Variants in MYO1H observed in about 807,000 individuals in gnomAD.
MYO1H encodes the protein myosin IH.
A neutral mutation model predicts 149.3 loss-of-function variants in MYO1H; 118 were observed. The observed-to-expected ratio is 0.79, with a 90% CI of 0.68 to 0.92. The LOEUF (loss-of-function observed/expected upper bound fraction) is 0.92, where lower values mean the gene tolerates loss of function less well. Among genes scored for constraint, MYO1H ranks in the 40% least tolerant of loss-of-function variants. MYO1H has a pLI of 0.00. For missense variants in MYO1H, 1,212 were observed against 1,280.7 expected (o/e 0.95, Z 0.82); for synonymous variants, 447 against 465.2 (o/e 0.96, Z 0.50).
At chr12:109,436,652 A>G (rs1314071432) in intron 22 of MYO1H, 96 bp downstream of exon 22, 3 of 812,308 alleles carry the variant, frequency 3.7e-6, no homozygotes, top group Non-Finnish European at 6.1e-6. Flanking sequence ...GCTCATCCTT[A>G]AAACCTTGTG....
chr12:109,383,701 T>C (rs1357244011), intron 1 of MYO1H, among the ~76,000 whole-genome samples: 1 of 152,168 alleles, frequency 6.6e-6, no homozygotes, highest in African/African-American at 2.4e-5. Flanking sequence ...CCGGAAGTAG[T>C]CAAGCAACTC....
the MYO1H span, among the ~76,000 whole-genome samples, chr12:109,325,863 A>G: frequency 6.6e-6 from 1 of 152,226 alleles, no homozygotes; most frequent in African/African-American, 2.4e-5. Context: ...TCAAAACCAC[A>G]ATGAGATACC....
At chr12:109,333,669 A>C in the MYO1H span, among the ~76,000 whole-genome samples, 1 of 152,158 alleles carries the variant, frequency 6.6e-6, no homozygotes, top group African/African-American at 2.4e-5. Context: ...CCTTCAACTT[A>C]GGATCGTCTG....
rs867327275 is a variant in MYO1H, at chr12:109,443,096, A to G, written c.2689-418A>G. Among the ~76,000 whole-genome samples, 3 of 79,866 alleles carry G rather than the reference A, an allele frequency of 3.8e-5. 1 individual carries two copies. The highest frequency in any genetic ancestry group is 9.6e-5 in the African/African-American group (2 of 20,826). The allele number at this position is 79,866 out of a possible 152,430, so 52.4% of individuals were successfully genotyped here. A position where few individuals can be genotyped will look rare whatever the true frequency, so the allele number is the denominator to read the frequency against. On this transcript the variant is annotated intron_variant, in intron 27 of 31. Transcript: ENST00000310903. The stretch of plus-strand genomic sequence containing the variant: ...TATATGTGTACGTATGTGTGTATAT[A>G]TGTGTACGTATATGTGTGTATATGT...
the MYO1H span, among the ~76,000 whole-genome samples, chr12:109,340,398 A>G: frequency 1.3e-5 from 2 of 152,242 alleles, no homozygotes; most frequent in African/African-American, 2.4e-5. Context: ...CGAACTCCTG[A>G]CCTTAGGTGA....
intron 20 of MYO1H, among the ~76,000 whole-genome samples, chr12:109,433,741 A>C (rs985155197): frequency 4.0e-5 from 6 of 149,784 alleles, no homozygotes; most frequent in African/African-American, 1.5e-4. Context: ...GCCTGTTCCA[A>C]GGATCAGTTA....
the MYO1H span, among the ~76,000 whole-genome samples, chr12:109,337,858 A>G: frequency 1.3e-5 from 2 of 152,144 alleles, no homozygotes; most frequent in Non-Finnish European, 2.9e-5. Context: ...AACCTAGCTG[A>G]TCAAACCGTG....
rs34386334 is a variant in MYO1H at position 109,443,174 on chromosome 12, A to ATG, written c.2689-334_2689-333dup. 3.7e-4 allele frequency among the ~76,000 whole-genome samples: 43 copies of ATG among 115,612 alleles called. 4 individuals carry two copies. Among genetic ancestry groups the ATG allele is most frequent in the Middle Eastern group, 8.1e-3 (2 of 248 alleles). The allele number at this position is 115,612 out of a possible 152,430, so 75.8% of individuals were successfully genotyped here. A position where few individuals can be genotyped will look rare whatever the true frequency, so the allele number is the denominator to read the frequency against. ...CGTATGTGTGTGTATATGTGTACGT[A>ATG]TGTGTGTATATGTGTACGTATATGT... On this transcript the variant is annotated intron_variant, in intron 27 of 31. Coordinates refer to ENST00000310903, the Ensembl canonical transcript of MYO1H.
chr12:109,421,003 T>C (rs1156501821), exon 16 of MYO1H: 1 of 1,589,354 alleles, frequency 6.3e-7, no homozygotes, highest in Non-Finnish European at 8.6e-7. Flanking sequence ...AAAACAATGA[T>C]CTTCTTTACA....
intron 23 of MYO1H, 133 bp from the exon 24 acceptor site, chr12:109,439,498 T>TGGCCTGTGGCCTACATACCA: frequency 1.5e-6 from 1 of 676,082 alleles, no homozygotes. Flanking sequence ...GGGGCAGATT[T>TGGCCTGTGGCCTACATACCA]GGCCTCTGGC....
rs55927192 is a variant in MYO1H, at chr12:109,353,393, C to CAAAAAAAAAAAAAAAAAA, written c.12+5430_12+5447dup. 6.4e-4 allele frequency among the ~76,000 whole-genome samples: 51 copies of CAAAAAAAAAAAAAAAAAA among 79,288 alleles called. 1 individual carries two copies. Among genetic ancestry groups the CAAAAAAAAAAAAAAAAAA allele is most frequent in the Middle Eastern group, 8.8e-3 (1 of 114 alleles). 52.0% of individuals were successfully genotyped at this position (79,288 alleles called of 152,430 possible). A position where few individuals can be genotyped will look rare whatever the true frequency, so the allele number is the denominator to read the frequency against. On this transcript the variant is annotated intron_variant, in intron 1 of 31. Transcript: ENST00000310903. The stretch of plus-strand genomic sequence containing the variant: ...TGGGTGACAGAGCGAGACTCCGTCT[C>CAAAAAAAAAAAAAAAAAA]AAAAAAAAAAAAAAAAAAAAAAAAA...
At chr12:109,396,250 G>C in intron 3 of MYO1H, 134 bp from the exon 4 acceptor site, 1 of 681,628 alleles carries the variant, frequency 1.5e-6, no homozygotes, top group Non-Finnish European at 2.5e-6. Context: ...ATGTGTTTGA[G>C]CTCATTGTCC....
chr12:109,429,635 C>T (rs1218757514), intron 19 of MYO1H, among the ~76,000 whole-genome samples: 1 of 152,064 alleles, frequency 6.6e-6, no homozygotes, highest in Non-Finnish European at 1.5e-5. Context: ...CCATGGGGGT[C>T]CTGGAACCAA....
chr12:109,337,183 A>AT, the MYO1H span, among the ~76,000 whole-genome samples: 3 of 152,142 alleles, frequency 2.0e-5, no homozygotes, highest in African/African-American at 7.2e-5. Context: ...ACCTGAAAGC[A>AT]TTTTTTCCTG....
In MYO1H at chr12:109,444,419, C is replaced by A; in HGVS notation, c.2896-13C>A. The A allele has an allele frequency of 6.2e-7, 1 of 1,610,668 alleles. No individual in the cohort carries two copies. Among genetic ancestry groups the A allele is most frequent in the Non-Finnish European group, 8.5e-7 (1 of 1,177,008 alleles). The stretch of plus-strand genomic sequence containing the variant: ...GAATACTGAAATTATGCCTTGTCTC[C>A]TCCCCACCCCAGGGGGATGCCGTTT... On this transcript the variant is annotated splice_polypyrimidine_tract_variant and intron_variant, in intron 29 of 31. Transcript: ENST00000310903.
intron 30 of MYO1H, 116 bp from the exon 31 acceptor site, chr12:109,445,397 A>G (rs770904985): frequency 2.5e-6 from 2 of 795,594 alleles, no homozygotes; most frequent in Non-Finnish European, 4.0e-6. Flanking sequence ...ACTGTAATAA[A>G]ACAGGAATTT....
rs1411688729 is a variant in MYO1H at position 109,361,797 on chromosome 12, G to A, written c.12+13825G>A. On this transcript the variant is annotated intron_variant, in intron 1 of 31. Transcript: ENST00000310903. ...GCACTCCAGCAGCCTGGGTGACAGA[G>A]CAAGACCTTGTCTCACAAAAAAAAA... 3.5e-5 allele frequency among the ~76,000 whole-genome samples: 4 copies of A among 114,092 alleles called. No individual in the cohort carries two copies. The South Asian group carries it at 9.0e-4, about 26-fold the overall frequency. 74.8% of individuals were successfully genotyped at this position (114,092 alleles called of 152,430 possible). A position where few individuals can be genotyped will look rare whatever the true frequency, so the allele number is the denominator to read the frequency against.
intron 1 of MYO1H, among the ~76,000 whole-genome samples, chr12:109,358,958 T>A (rs999473373): frequency 1.3e-5 from 2 of 151,680 alleles, no homozygotes; most frequent in African/African-American, 4.9e-5. Flanking sequence ...AACACAGGCA[T>A]TCAAGGAATA....
rs549500083 is a variant in MYO1H at position 109,447,429 on chromosome 12, T to A, written c.*247T>A. ...GACCCCAGGTCACCCGAAGGCGCAA[T>A]TCTAAACACCCTCGACAGGATCTAT... On this transcript the variant is annotated 3_prime_UTR_variant, in exon 32 of 32. Transcript: ENST00000310903. 7.8e-5 allele frequency: 46 copies of A among 592,154 alleles called. No individual in the cohort carries two copies. In the Admixed American group the frequency reaches 9.0e-4, roughly 12 times the overall value. The allele number at this position is 592,154 out of a possible 1,614,324, so 36.7% of individuals were successfully genotyped here.
Sources: gnomAD v4.1 joint callset for allele counts (sites outside exome capture counted in the v4.1 genomes callset) on GRCh38, gnomAD v4.1.1 for gene constraint, MANE v1.5 for transcripts, NCBI Gene and HGNC (gene_info 2026-07-23, HGNC 2026-07-21) for gene names.